Variants in KHDRBS2 observed in about 807,000 individuals in gnomAD.
The protein encoded by KHDRBS2 is KH RNA binding domain containing, signal transduction associated 2.
Under a neutral mutation model 44.3 loss-of-function variants are expected in KHDRBS2, and 26 were observed. The observed-to-expected ratio is 0.59, with a 90% CI of 0.43 to 0.81. The LOEUF (loss-of-function observed/expected upper bound fraction) is 0.81. Among genes scored for constraint, KHDRBS2 ranks in the 40% least tolerant of loss-of-function variants. The pLI, the probability that KHDRBS2 is intolerant of heterozygous loss-of-function variation, is 0.00. For missense variants in KHDRBS2, 476 were observed against 433.1 expected, an observed-to-expected ratio of 1.10 and a Z score of -0.88; for synonymous variants, 194 against 151.1, an observed-to-expected ratio of 1.28 and a Z score of -2.08.
At chr6:61,717,706 T>C (rs2127553759) in intron 7 of KHDRBS2, among the ~76,000 whole-genome samples, 1 of 152,284 alleles carries the variant, frequency 6.6e-6, no homozygotes, top group East Asian at 1.9e-4. Flanking sequence ...GAGGGATTTC[T>C]GTAGACTCAG....
At chr6:61,887,935 A>G (rs1801205393) in intron 6 of KHDRBS2, among the ~76,000 whole-genome samples, 1 of 152,232 alleles carries the variant, frequency 6.6e-6, no homozygotes, top group Non-Finnish European at 1.5e-5. Flanking sequence ...CCTATCAGTC[A>G]CGTATTAAAC....
chr6:62,080,755 G>A lies in KHDRBS2; in HGVS notation c.220-32761C>T, dbSNP rs1292687984. Among the ~76,000 whole-genome samples, 12 of 152,198 alleles carry A rather than the reference G, an allele frequency of 7.9e-5. No individual in the cohort carries two copies. In the East Asian group the frequency reaches 2.3e-3, roughly 29 times the overall value. ...GACTTGCCATGCTCCTTCCCTTTGG[G>A]TTATTGATGAGCTTGGCCAACTGGA... On this transcript the variant is annotated intron_variant, in intron 2 of 8. Coordinates refer to ENST00000281156, the MANE Select transcript of KHDRBS2 (RefSeq NM_152688.4).
intron 2 of KHDRBS2, among the ~76,000 whole-genome samples, chr6:62,080,619 T>C (rs2127354353): frequency 6.6e-6 from 1 of 152,218 alleles, no homozygotes; most frequent in African/African-American, 2.4e-5. Context: ...TTGAAGACTT[T>C]ATATGTTAAT....
intron 6 of KHDRBS2, among the ~76,000 whole-genome samples, chr6:61,891,595 C>A (rs1158794600): frequency 6.6e-6 from 1 of 152,064 alleles, no homozygotes; most frequent in Non-Finnish European, 1.5e-5. Flanking sequence ...ACTGGTTCAA[C>A]ATAAGCAAAT....
intron 6 of KHDRBS2, among the ~76,000 whole-genome samples, chr6:61,891,748 T>A (rs1374411842): frequency 6.6e-6 from 1 of 152,152 alleles, no homozygotes; most frequent in Non-Finnish European, 1.5e-5. Flanking sequence ...ATGGGATATA[T>A]CTCAAAATAA....
the KHDRBS2 span, among the ~76,000 whole-genome samples, chr6:61,562,554 G>C: frequency 6.6e-6 from 1 of 152,200 alleles, no homozygotes; most frequent in Admixed American, 6.5e-5. Context: ...TCTTTGAAAT[G>C]TATATAAATC....
chr6:61,560,025 C>T, the KHDRBS2 span, among the ~76,000 whole-genome samples: 32,154 of 151,898 alleles, frequency 0.21, 3,667 homozygotes, highest in East Asian at 0.29. Context: ...TCAGCTTTTG[C>T]TTGGGCAAAT....
chr6:61,776,224 G>T (rs897592878), intron 6 of KHDRBS2, among the ~76,000 whole-genome samples: 2 of 152,188 alleles, frequency 1.3e-5, no homozygotes, highest in Admixed American at 1.3e-4. Flanking sequence ...TCAGGACATA[G>T]GCATGGGCAA....
intron 2 of KHDRBS2, among the ~76,000 whole-genome samples, chr6:62,050,548 A>G (rs759867074): frequency 1.3e-5 from 2 of 151,956 alleles, no homozygotes; most frequent in Non-Finnish European, 2.9e-5. Context: ...AATGACTAAT[A>G]TCTATAATCT....
At chr6:62,107,805 C>G (rs1201781070) in intron 2 of KHDRBS2, among the ~76,000 whole-genome samples, 2 of 152,278 alleles carry the variant, frequency 1.3e-5, no homozygotes, top group East Asian at 3.9e-4. Context: ...CTACAACTAT[C>G]TGGTCTTTGA....
chr6:61,715,689 GTTTA>G (rs1554169352), intron 7 of KHDRBS2, among the ~76,000 whole-genome samples: 2 of 151,788 alleles, frequency 1.3e-5, no homozygotes, highest in Admixed American at 6.6e-5. Context: ...CATGCTATGT[GTTTA>G]TTTGAGTGTC....
At chr6:61,741,825 T>A (rs1776179531) in intron 6 of KHDRBS2, among the ~76,000 whole-genome samples, 7 of 151,998 alleles carry the variant, frequency 4.6e-5, no homozygotes, top group Admixed American at 3.9e-4. Context: ...ATTTAAATGA[T>A]ATGAAATGTC....
chr6:62,142,538 A>C (rs1813059781), intron 2 of KHDRBS2, among the ~76,000 whole-genome samples: 1 of 152,040 alleles, frequency 6.6e-6, no homozygotes, highest in African/African-American at 2.4e-5. Context: ...TTATCAATGT[A>C]ATTATTCTTA....
In KHDRBS2 at chr6:61,955,574, A is replaced by G. The variant is rs1348706726; in HGVS notation, c.483+22492T>C. Among the ~76,000 whole-genome samples the G allele has an allele frequency of 5.6e-5, 5 of 88,916 alleles. 2 individuals carry two copies. Among genetic ancestry groups the G allele is most frequent in the Non-Finnish European group, 7.7e-5 (3 of 39,080 alleles). The allele number at this position is 88,916 out of a possible 152,430, so 58.3% of individuals were successfully genotyped here. A position where few individuals can be genotyped will look rare whatever the true frequency, so the allele number is the denominator to read the frequency against. Reference sequence around the variant, plus strand: ...TGTATGTATACATGTGTATATATACACGTATGTATGTATGTATACATGTGT... The same window carrying G: ...TGTATGTATACATGTGTATATATACGCGTATGTATGTATGTATACATGTGT... On this transcript the variant is annotated intron_variant, in intron 4 of 8. Transcript: ENST00000281156.
Position 62,234,451 on chromosome 6 carries a change from T to C in KHDRBS2, c.91+51407A>G, listed in dbSNP as rs559055594. Among the ~76,000 whole-genome samples the C allele has an allele frequency of 5.3e-5, 8 of 152,232 alleles. No homozygotes were observed. The East Asian group carries it at 1.2e-3, about 22-fold the overall frequency. ...AACTTTTTATATGCCAGGTATTGCATACACAGTGATGAAAATGACAAATAC... is the reference window on the plus strand; with the variant it reads ...AACTTTTTATATGCCAGGTATTGCACACACAGTGATGAAAATGACAAATAC... On this transcript the variant is annotated intron_variant, in intron 1 of 8. Coordinates refer to ENST00000281156, the MANE Select transcript of KHDRBS2 (RefSeq NM_152688.4).
At position 62,285,983 on chromosome 6, in the gene KHDRBS2, G is replaced by C; in HGVS notation, c.-35C>G. 7.3e-7 allele frequency: 1 copy of C among 1,372,000 alleles called. No individual in the cohort carries two copies. The highest frequency in any genetic ancestry group is 1.0e-6 in the Non-Finnish European group (1 of 966,584). 85.0% of individuals were successfully genotyped at this position (1,372,000 alleles called of 1,614,324 possible). On this transcript the variant is annotated 5_prime_UTR_variant, in exon 1 of 9. Transcript: ENST00000281156. Reference sequence around the variant, plus strand: ...TTCGGATTGTCCCCGGGCGAAGCGCGAGGTTCCGCTCGCTCGGACGCAGGC... The same window carrying C: ...TTCGGATTGTCCCCGGGCGAAGCGCCAGGTTCCGCTCGCTCGGACGCAGGC...
chr6:62,164,829 C>G (rs1818347299), intron 2 of KHDRBS2, among the ~76,000 whole-genome samples: 1 of 151,846 alleles, frequency 6.6e-6, no homozygotes, highest in African/African-American at 2.4e-5. Flanking sequence ...GCCCTAAAAT[C>G]ATTATTGATT....
chr6:61,574,796 C>A, the KHDRBS2 span, among the ~76,000 whole-genome samples: 1 of 152,178 alleles, frequency 6.6e-6, no homozygotes, highest in Middle Eastern at 3.4e-3. Context: ...GTAATCCCAG[C>A]TGCTTTGGAG....
chr6:61,793,154 C>T (rs1391196726), intron 6 of KHDRBS2, among the ~76,000 whole-genome samples: 1 of 151,564 alleles, frequency 6.6e-6, no homozygotes, highest in Non-Finnish European at 1.5e-5. Context: ...AGTGGTGAAG[C>T]AATGTGCTAT....
Sources: gnomAD v4.1 joint callset for allele counts (sites outside exome capture counted in the v4.1 genomes callset) on GRCh38, gnomAD v4.1.1 for gene constraint, MANE v1.5 for transcripts, NCBI Gene and HGNC (gene_info 2026-07-23, HGNC 2026-07-21) for gene names.